FHOD3: variants seen among roughly 807,000 people sequenced by gnomAD.
The protein encoded by FHOD3 is formin homology 2 domain containing 3.
A neutral mutation model predicts 173.0 loss-of-function variants in FHOD3; 90 were observed. The ratio of observed to expected loss-of-function variants is 0.52; its 90% CI spans 0.44 to 0.62. The LOEUF is 0.62. Among genes scored for constraint, FHOD3 ranks in the 20% least tolerant of loss-of-function variants. FHOD3 has a pLI of 0.00. For synonymous variants in FHOD3, 828 were observed against 823.0 expected (o/e 1.01, Z -0.10); for missense variants, 1,945 against 2,034.7 (o/e 0.96, Z 0.85).
intron 5 of FHOD3, among the ~76,000 whole-genome samples, chr18:36,539,467 T>G (rs1795252465): frequency 6.6e-6 from 1 of 152,178 alleles, no homozygotes; most frequent in Non-Finnish European, 1.5e-5. Flanking sequence ...CCAGTCACCG[T>G]CCAGAGAGGA....
In FHOD3 at chr18:36,779,703, G is replaced by A; in HGVS notation, c.*173G>A. 3 of 621,086 alleles carry A rather than the reference G, an allele frequency of 4.8e-6. No homozygotes were observed. Among genetic ancestry groups the A allele is most frequent in the Non-Finnish European group, 5.7e-6 (2 of 349,900 alleles). 38.5% of individuals were successfully genotyped at this position (621,086 alleles called of 1,614,324 possible). On this transcript the variant is annotated 3_prime_UTR_variant, in exon 29 of 29. Transcript: ENST00000590592. ...GTGTTGCCTGCTACGCATTGACTTGGATCTCCAGGAGTCCCCTGCACATAC... is the reference window on the plus strand; with the variant it reads ...GTGTTGCCTGCTACGCATTGACTTGAATCTCCAGGAGTCCCCTGCACATAC...
intron 15 of FHOD3, among the ~76,000 whole-genome samples, chr18:36,684,413 A>G (rs2038463517): frequency 6.6e-6 from 1 of 152,198 alleles, no homozygotes; most frequent in Non-Finnish European, 1.5e-5. Context: ...TTATACATTT[A>G]AAGACTTTAA....
intron 1 of FHOD3, among the ~76,000 whole-genome samples, chr18:36,349,825 G>A (rs2046036475): frequency 6.6e-6 from 1 of 152,124 alleles, no homozygotes; most frequent in Admixed American, 6.5e-5. Flanking sequence ...GAGTGCAGTG[G>A]CGCAATCTTG....
intron 17 of FHOD3, among the ~76,000 whole-genome samples, chr18:36,706,889 G>T (rs2039913206): frequency 9.8e-6 from 1 of 102,426 alleles, no homozygotes; most frequent in East Asian, 1.9e-4. Context: ...GCAAAAACAT[G>T]TGCTTTCTGT....
At chr18:36,500,637 C>T (rs991926588) in intron 3 of FHOD3, among the ~76,000 whole-genome samples, 2 of 152,222 alleles carry the variant, frequency 1.3e-5, no homozygotes, top group Admixed American at 1.3e-4. Flanking sequence ...TCCCATTTTA[C>T]AGATGGAGAA....
At chr18:36,347,148 A>T (rs572008387) in intron 1 of FHOD3, among the ~76,000 whole-genome samples, 1 of 152,240 alleles carries the variant, frequency 6.6e-6, no homozygotes, top group East Asian at 1.9e-4. Flanking sequence ...TGATAATAAT[A>T]ATCCTGAAAC....
intron 26 of FHOD3, among the ~76,000 whole-genome samples, chr18:36,759,961 A>C (rs62083182): frequency 0.12 from 17,685 of 152,276 alleles, 1,254 homozygotes; most frequent in Admixed American, 0.15. Flanking sequence ...GAAAATCAGC[A>C]TGAATTTATG....
At chr18:36,519,279 T>C (rs2056149933) in intron 5 of FHOD3, among the ~76,000 whole-genome samples, 4 of 152,162 alleles carry the variant, frequency 2.6e-5, no homozygotes, top group Admixed American at 2.6e-4. Context: ...TTGTCTTGCT[T>C]TTCTGCCTGA....
intron 3 of FHOD3, among the ~76,000 whole-genome samples, chr18:36,405,549 G>A (rs1193968786): frequency 6.6e-6 from 1 of 152,204 alleles, no homozygotes; most frequent in Non-Finnish European, 1.5e-5. Context: ...TTATGGGTGT[G>A]TGACATCTCA....
chr18:36,653,434 C>T lies in FHOD3; in HGVS notation c.1721+18C>T, dbSNP rs988789088. 6.0e-6 allele frequency: 9 copies of T among 1,497,682 alleles called. No individual in the cohort carries two copies. In the African/African-American group the frequency reaches 1.1e-4, roughly 19 times the overall value. 92.8% of individuals were successfully genotyped at this position (1,497,682 alleles called of 1,614,324 possible). Reference sequence around the variant, plus strand: ...TCTAATAGGTGGGTGTCTTTATTTTCTTTCCCTTTTCTGTAGCTTTCTGTT... The same window carrying T: ...TCTAATAGGTGGGTGTCTTTATTTTTTTTCCCTTTTCTGTAGCTTTCTGTT... On this transcript the variant is annotated intron_variant, in intron 13 of 28. Transcript: ENST00000590592.
chr18:36,608,056 C>T (rs1680583258), intron 8 of FHOD3, among the ~76,000 whole-genome samples: 4 of 152,194 alleles, frequency 2.6e-5, no homozygotes, highest in Admixed American at 2.6e-4. Context: ...TAGCTTGCTT[C>T]TCCAAATTTT....
chr18:36,581,260 C>T (rs1288884294), intron 6 of FHOD3, among the ~76,000 whole-genome samples: 1 of 152,180 alleles, frequency 6.6e-6, no homozygotes, highest in Non-Finnish European at 1.5e-5. Context: ...ATTTTTTTCT[C>T]TTCATACATC....
chr18:36,424,188 A>C (rs534706969), intron 3 of FHOD3, among the ~76,000 whole-genome samples: 2 of 152,132 alleles, frequency 1.3e-5, no homozygotes, highest in Non-Finnish European at 2.9e-5. Context: ...TCCATCCCAC[A>C]ATTACAAGCC....
At chr18:36,340,917 G>A (rs970348097) in intron 1 of FHOD3, among the ~76,000 whole-genome samples, 4 of 152,038 alleles carry the variant, frequency 2.6e-5, no homozygotes, top group Admixed American at 6.6e-5. Context: ...GATTACAGGC[G>A]TGAGCCACCG....
intron 3 of FHOD3, among the ~76,000 whole-genome samples, chr18:36,388,683 C>T (rs934706942): frequency 4.6e-5 from 7 of 152,164 alleles, no homozygotes; most frequent in African/African-American, 1.7e-4. Flanking sequence ...CCTGCTCTGT[C>T]CTGAGGGCAG....
intron 1 of FHOD3, among the ~76,000 whole-genome samples, chr18:36,307,847 A>G (rs2092144650): frequency 6.6e-6 from 1 of 152,260 alleles, no homozygotes; most frequent in Non-Finnish European, 1.5e-5. Context: ...CTTTGAAGAA[A>G]TACAAATCAC....
In FHOD3 at chr18:36,555,168, A is replaced by G. The variant is rs565347820; in HGVS notation, c.512-21283A>G. On this transcript the variant is annotated intron_variant, in intron 5 of 28. Coordinates refer to ENST00000590592, the MANE Select transcript of FHOD3 (RefSeq NM_001281740.3). Reference sequence around the variant, plus strand: ...TTGAGACTTTTGTTGTAGACTTGCAATGCTGTAAATTTCCTTCTAGGTACT... The same window carrying G: ...TTGAGACTTTTGTTGTAGACTTGCAGTGCTGTAAATTTCCTTCTAGGTACT... Among the ~76,000 whole-genome samples the G allele has an allele frequency of 4.6e-5, 7 of 152,250 alleles. No homozygotes were observed. The South Asian group carries it at 1.2e-3, about 27-fold the overall frequency.
chr18:36,594,499 G>A (rs1398263913), intron 6 of FHOD3, among the ~76,000 whole-genome samples: 1 of 152,164 alleles, frequency 6.6e-6, no homozygotes, highest in African/African-American at 2.4e-5. Context: ...CCAGGTGTGA[G>A]TTCTGGAGCC....
intron 2 of FHOD3, among the ~76,000 whole-genome samples, chr18:36,358,058 G>A (rs2046444331): frequency 6.6e-6 from 1 of 152,196 alleles, no homozygotes; most frequent in African/African-American, 2.4e-5. Context: ...TACTAGTCAT[G>A]TAATTGGATT....
Sources: gnomAD v4.1 joint callset for allele counts (sites outside exome capture counted in the v4.1 genomes callset) on GRCh38, gnomAD v4.1.1 for gene constraint, MANE v1.5 for transcripts, NCBI Gene and HGNC (gene_info 2026-07-23, HGNC 2026-07-21) for gene names.